MACF1: variants seen among roughly 807,000 people sequenced by gnomAD.
MACF1 encodes the protein microtubule actin crosslinking factor 1, also known as microtubule-actin cross-linking factor 1.
In MACF1, 193 loss-of-function variants were observed where a neutral mutation model predicts 854.8. The ratio of observed to expected loss-of-function variants is 0.23; its 90% confidence interval spans 0.20 to 0.25. The LOEUF (loss-of-function observed/expected upper bound fraction) is 0.25. Among genes scored for constraint, MACF1 ranks in the 10% least tolerant of loss-of-function variants. MACF1 has a pLI of 1.00. For missense variants in MACF1, 7,722 were observed against 8,929.1 expected (o/e 0.86, Z 5.45); for synonymous variants, 3,185 against 3,226.7 (o/e 0.99, Z 0.44).
chr1:39,185,073 C>T (rs1234249085), intron 2 of MACF1, among the ~76,000 whole-genome samples: 1 of 152,050 alleles, frequency 6.6e-6, no homozygotes, highest in Non-Finnish European at 1.5e-5. Context: ...AGGTGGATCA[C>T]GAGGTCAGGA....
At chr1:39,437,607 T>A in intron 70 of MACF1, 170 bp from the exon 71 acceptor site, 2 of 641,832 alleles carry the variant, frequency 3.1e-6, no homozygotes, top group Non-Finnish European at 5.7e-6. Context: ...CCACCACCCC[T>A]GGCCCAAAAC....
chr1:39,264,748 A>G (rs1317215868), intron 6 of MACF1, among the ~76,000 whole-genome samples: 1 of 139,132 alleles, frequency 7.2e-6, no homozygotes, highest in Non-Finnish European at 1.5e-5. Context: ...ATCTCGGCTC[A>G]CTGCAAGCTC....
At chr1:39,411,192 C>T (rs775084101) in intron 58 of MACF1, 13 of 1,613,766 alleles carry the variant, frequency 8.1e-6, no homozygotes, top group Non-Finnish European at 1.1e-5. Context: ...TCATAACCCC[C>T]AGCCTGAGAG....
At position 39,334,140 on chromosome 1, in the gene MACF1, G is replaced by A. The variant is rs895999882; in HGVS notation, c.7552G>A (p.Val2518Ile). Residue 2518 changes from valine (V) to isoleucine (I), a missense_variant, in exon 37 of 101, where the codon GTT becomes ATT. Val to Ile is a conservative substitution (Grantham distance 29, BLOSUM62 3). Around this residue, in one of 15 missense-constraint regions of MACF1, gnomAD observed 1,531 missense variants for 1,601.6 expected, o/e 0.96. Transcript: ENST00000564288. ...IHHISGMRLS[V>I]DNAFRHGLIG... is the part of the protein sequence containing the mutation. ...CCATATATCTGGGATGAGACTTTCT[G>A]TTGATAATGCCTTCAGACATGGCTT... is the stretch of plus-strand genomic sequence containing the variant. 16 of 1,614,044 alleles carry A rather than the reference G, an allele frequency of 9.9e-6. No individual in the cohort carries two copies. Among genetic ancestry groups the A allele is most frequent in the Middle Eastern group, 3.3e-4 (2 of 6,084 alleles).
Position 39,485,797 on chromosome 1 carries a change from C to T in MACF1, c.*3C>T. 6.3e-7 allele frequency: 1 copy of T among 1,582,180 alleles called. No homozygotes were observed. Among genetic ancestry groups the T allele is most frequent in the Non-Finnish European group, 8.6e-7 (1 of 1,161,106 alleles). On this transcript the variant is annotated 3_prime_UTR_variant, in exon 101 of 101. Transcript: ENST00000564288. Reference sequence around the variant, plus strand: ...GGACTCCAGGTCCCAAGCGATAACACTGTCTAAGCACCCCCAAGCCACTAT... The same window carrying T: ...GGACTCCAGGTCCCAAGCGATAACATTGTCTAAGCACCCCCAAGCCACTAT...
chr1:39,467,345 A>G (rs1336550921), intron 95 of MACF1, among the ~76,000 whole-genome samples: 1 of 152,190 alleles, frequency 6.6e-6, no homozygotes, highest in African/African-American at 2.4e-5. Context: ...AGCCTAGGCG[A>G]CAGAACGAGA....
At chr1:39,463,513 A>T in intron 93 of MACF1, 99 bp from the exon 94 acceptor site, 1 of 798,244 alleles carries the variant, frequency 1.3e-6, no homozygotes, top group Non-Finnish European at 2.1e-6. Flanking sequence ...AAATGTAAAT[A>T]ATGAATAGCC....
At chr1:39,124,049 ATTTTT>A (rs1009496081) in intron 2 of MACF1, among the ~76,000 whole-genome samples, 1 of 123,238 alleles carries the variant, frequency 8.1e-6, no homozygotes, top group Non-Finnish European at 1.7e-5. Flanking sequence ...CAATTCTTGT[ATTTTT>A]TTTTTTTTTT....
In MACF1 at chr1:39,358,878, G is replaced by C; in HGVS notation, c.12120+5G>C. On this transcript the variant is annotated splice_donor_5th_base_variant and intron_variant, in intron 46 of 100. Coordinates refer to ENST00000564288, the MANE Select transcript of MACF1 (RefSeq NM_001394062.1). ...GAGCAGCTTGCAACAACAAAGGTAA[G>C]TCAGGACACAGGCTGTGTTGTGGTG... is the stretch of plus-strand genomic sequence containing the variant. 6.2e-7 allele frequency: 1 copy of C among 1,605,084 alleles called. No homozygotes were observed. Among genetic ancestry groups the C allele is most frequent in the Non-Finnish European group, 8.5e-7 (1 of 1,177,112 alleles).
chr1:39,258,755 G>T (rs572515356), intron 6 of MACF1, among the ~76,000 whole-genome samples: 1 of 152,352 alleles, frequency 6.6e-6, no homozygotes, highest in South Asian at 2.1e-4. Context: ...ATTAGAGGCT[G>T]ATAGCTAGTG....
In MACF1 at chr1:39,462,049, A is replaced by G; in HGVS notation, c.21678+12A>G. 6.2e-7 allele frequency: 1 copy of G among 1,613,082 alleles called. No homozygotes were observed. The highest frequency in any genetic ancestry group is 8.5e-7 in the Non-Finnish European group (1 of 1,179,486). On this transcript the variant is annotated intron_variant, in intron 93 of 100. Coordinates refer to ENST00000564288, the MANE Select transcript of MACF1 (RefSeq NM_001394062.1). Reference sequence around the variant, plus strand: ...AAATCGAAGATGAGGTAAGGGAAATAATTATATTTTGAGTACACTTCTGGC... The same window carrying G: ...AAATCGAAGATGAGGTAAGGGAAATGATTATATTTTGAGTACACTTCTGGC...
rs1251210400 is a variant in MACF1 at position 39,340,641 on chromosome 1, A to G, written c.10355A>G (p.Gln3452Arg). ...CTAGAGAAAGATGCCAAGAATCTTCAGAAGTCTCTCAGCTCTGTGAGTGAC... is the reference window on the plus strand; with the variant it reads ...CTAGAGAAAGATGCCAAGAATCTTCGGAAGTCTCTCAGCTCTGTGAGTGAC... ...KALEKDAKNL[Q>R]KSLSSVSDTW... The change falls in exon 39 of 101, where the codon CAG becomes CGG. Residue 3452 changes from glutamine (Q) to arginine (R), a missense_variant. By Grantham distance (43) the Gln-to-Arg change is conservative. Transcript: ENST00000564288. 2.5e-6 allele frequency: 4 copies of G among 1,614,264 alleles called. No individual in the cohort carries two copies. The African/African-American group carries it at 5.3e-5, about 22-fold the overall frequency.
At chr1:39,165,019 C>T (rs998464425) in intron 2 of MACF1, among the ~76,000 whole-genome samples, 2 of 152,044 alleles carry the variant, frequency 1.3e-5, no homozygotes, top group South Asian at 2.1e-4. Flanking sequence ...GAGCAGATAA[C>T]GTGAGGTTTT....
At chr1:39,173,600 T>C (rs764733988) in intron 2 of MACF1, among the ~76,000 whole-genome samples, 2 of 152,074 alleles carry the variant, frequency 1.3e-5, no homozygotes, top group Non-Finnish European at 2.9e-5. Flanking sequence ...TGTTGAACAG[T>C]CCCCTCTGGG....
Position 39,434,527 on chromosome 1 carries a change from T to C in MACF1, c.17679T>C (p.Tyr5893=), listed in dbSNP as rs1365277311. The change falls in exon 69 of 101, where the codon TAT becomes TAC. Residue 5893 remains tyrosine (Y), a synonymous_variant. Coordinates refer to ENST00000564288, the MANE Select transcript of MACF1 (RefSeq NM_001394062.1). ...QVLVNQFWET[Y]EELSPWIEET... is the part of the protein sequence containing the mutation. ...TAGTAAACCAGTTTTGGGAAACTTA[T>C]GAAGAGCTCAGCCCCTGGATTGAGG... 4.3e-6 allele frequency: 7 copies of C among 1,614,010 alleles called. No homozygotes were observed. The highest frequency in any genetic ancestry group is 1.7e-5 in the Admixed American group (1 of 60,002).
Position 39,447,536 on chromosome 1 carries a change from T to A in MACF1, c.19710T>A (p.Ser6570=). ...CAGAGCAGAGTTTAAACATCGCTTC[T>A]CCACCAAGCCTGATTCTAAATACTG... The part of the protein sequence containing the change: ...TLAEQSLNIA[S]PPSLILNTVL... Residue 6570 remains serine (S), a synonymous_variant, in exon 81 of 101, where the codon TCT becomes TCA. Transcript: ENST00000564288. 6.2e-7 allele frequency: 1 copy of A among 1,614,168 alleles called. No individual in the cohort carries two copies. The highest frequency in any genetic ancestry group is 1.1e-5 in the South Asian group (1 of 91,086).
rs147972692 is a variant in MACF1 at position 39,382,083 on chromosome 1, G to T, written c.13779G>T (p.Leu4593=). ...GGCCGTGGCTGATGGAGAAAGAACTGATGATGGGAGTGCTGGGGCCCCTGT... is the reference window on the plus strand; with the variant it reads ...GGCCGTGGCTGATGGAGAAAGAACTTATGATGGGAGTGCTGGGGCCCCTGT... ...QLRPWLMEKE[L]MMGVLGPLSI... The change falls in exon 56 of 101, where the codon CTG becomes CTT. Residue 4593 remains leucine (L), a synonymous_variant. Transcript: ENST00000564288. The T allele has an allele frequency of 6.2e-7, 1 of 1,614,174 alleles. No homozygotes were observed. The highest frequency in any genetic ancestry group is 1.7e-5 in the Admixed American group (1 of 60,020).
intron 97 of MACF1, among the ~76,000 whole-genome samples, chr1:39,475,990 C>T (rs1306718881): frequency 6.6e-6 from 1 of 152,124 alleles, no homozygotes; most frequent in East Asian, 1.9e-4. Context: ...GTTTCAAAAA[C>T]AAGAGAGCAG....
chr1:39,432,094 T>A (rs1231831329), intron 66 of MACF1, among the ~76,000 whole-genome samples: 4 of 152,194 alleles, frequency 2.6e-5, no homozygotes, highest in Non-Finnish European at 4.4e-5. Flanking sequence ...TCTTTTGGGG[T>A]CTTATGCTGC....
Sources: allele counts gnomAD v4.1 joint callset (sites outside exome capture counted in the v4.1 genomes callset), GRCh38; gene constraint gnomAD v4.1.1; regional missense constraint gnomAD v4.1.1; transcripts MANE v1.5; gene names NCBI Gene and HGNC (gene_info 2026-07-23, HGNC 2026-07-21).